Variants in CDH5 observed in about 807,000 individuals in gnomAD.
CDH5 encodes the protein cadherin 5.
Under a neutral mutation model 62.0 loss-of-function variants are expected in CDH5, and 28 were observed. The ratio of observed to expected loss-of-function variants is 0.45; its 90% confidence interval spans 0.33 to 0.62. The LOEUF is 0.62. CDH5 is among the 20% of genes least tolerant of loss of function. The probability of loss-of-function intolerance (pLI) is 0.02; values close to 1 mark genes in which losing one functional copy is unlikely to be tolerated. For synonymous variants in CDH5, 464 were observed against 445.8 expected (o/e 1.04, Z -0.52); for missense variants, 940 against 1,065.1 (o/e 0.88, Z 1.63).
chr16:66,386,920 C>T lies in CDH5; in HGVS notation c.322C>T (p.Leu108=). 2 of 1,614,226 alleles carry T rather than the reference C, an allele frequency of 1.2e-6. No individual in the cohort carries two copies. The highest frequency in any genetic ancestry group is 1.6e-4 in the Middle Eastern group (1 of 6,062). ...ETGDVFAIER[L]DRENISEYHL... is the part of the protein sequence containing the mutation. ...AGGAGACGTGTTCGCCATTGAGAGGCTGGACCGGGAGAATATCTCAGAGTA... is the reference window on the plus strand; with the variant it reads ...AGGAGACGTGTTCGCCATTGAGAGGTTGGACCGGGAGAATATCTCAGAGTA... Residue 108 remains leucine, a synonymous_variant, in exon 3 of 12, where the codon CTG becomes TTG. Transcript: ENST00000341529.
In CDH5 at chr16:66,387,095, T is replaced by C. The variant is rs373794192; in HGVS notation, c.497T>C (p.Val166Ala). 6.2e-7 allele frequency: 1 copy of C among 1,608,514 alleles called. No individual in the cohort carries two copies. The highest frequency in any genetic ancestry group is 8.5e-7 in the Non-Finnish European group (1 of 1,176,208). Residue 166 changes from valine to alanine, a missense_variant and splice_region_variant, in exon 3 of 12, where the codon GTG becomes GCG. Coordinates refer to ENST00000341529, the MANE Select transcript of CDH5 (RefSeq NM_001795.5). ...FNASVPESSA[V>A]GTSVISVTAV... is the part of the protein sequence containing the mutation. ...GCGTCCGTGCCTGAGTCGTCGGCTG[T>C]GGGTACGTTGCATGCCCACTCTGTC... is the stretch of plus-strand genomic sequence containing the variant.
At position 66,398,581 on chromosome 16, in the gene CDH5, G is replaced by C. The variant is rs1961230224; in HGVS notation, c.1591+20G>C. The C allele has an allele frequency of 3.1e-6, 4 of 1,284,408 alleles. No individual in the cohort carries two copies. Among genetic ancestry groups the C allele is most frequent in the African/African-American group, 1.5e-5 (1 of 68,584 alleles). 79.6% of individuals were successfully genotyped at this position (1,284,408 alleles called of 1,614,324 possible). A position where few individuals can be genotyped will look rare whatever the true frequency, so the allele number is the denominator to read the frequency against. On this transcript the variant is annotated intron_variant, in intron 10 of 11. Coordinates refer to ENST00000341529, the MANE Select transcript of CDH5 (RefSeq NM_001795.5). ...ATCACGGTAGGCATCAAAGTAATCA[G>C]TTCAGCTGGGCGTGATGACCCACAC...
intron 1 of CDH5, among the ~76,000 whole-genome samples, chr16:66,369,160 T>C (rs1960639834): frequency 6.6e-6 from 1 of 152,096 alleles, no homozygotes; most frequent in Non-Finnish European, 1.5e-5. Context: ...AACAGTCAGA[T>C]CCTGGCAGGT....
chr16:66,387,404 T>C (rs540707441), intron 3 of CDH5, among the ~76,000 whole-genome samples: 9 of 152,294 alleles, frequency 5.9e-5, no homozygotes, highest in Non-Finnish European at 1.2e-4. Flanking sequence ...ATCCTGATCA[T>C]GGGTTGAACC....
chr16:66,371,796 G>C (rs950673716), intron 1 of CDH5, among the ~76,000 whole-genome samples: 13 of 152,042 alleles, frequency 8.6e-5, no homozygotes, highest in African/African-American at 2.9e-4. Flanking sequence ...CAGCCCAGGG[G>C]CTGAGGGGCT....
At chr16:66,401,198 C>G (rs939035670) in intron 11 of CDH5, among the ~76,000 whole-genome samples, 182 bp downstream of exon 11, 2 of 152,162 alleles carry the variant, frequency 1.3e-5, no homozygotes, top group Non-Finnish European at 2.9e-5. Context: ...CTCCAACCAC[C>G]TGGGTGCTCA....
chr16:66,396,265 G>T (rs2142338547), intron 8 of CDH5, 64 bp downstream of exon 8: 6 of 1,598,778 alleles, frequency 3.8e-6, no homozygotes, highest in Non-Finnish European at 5.1e-6. Flanking sequence ...TTCCAAAACT[G>T]GCATAATCAA....
chr16:66,404,766 A>C lies in CDH5; in HGVS notation c.*1597A>C, dbSNP rs889827933. ...TATTTTTTTATACCTAAATAAAGAA[A>C]AATCTTTAGCCTGGGCAACATAGGG... is the stretch of plus-strand genomic sequence containing the variant. On this transcript the variant is annotated 3_prime_UTR_variant, in exon 12 of 12. Transcript: ENST00000341529. 1 of 152,528 alleles carries C rather than the reference A, an allele frequency of 6.6e-6. No homozygotes were observed. Among genetic ancestry groups the C allele is most frequent in the African/African-American group, 2.4e-5 (1 of 41,420 alleles). The allele number at this position is 152,528 out of a possible 1,614,324, so 9.4% of individuals were successfully genotyped here.
At chr16:66,402,057 T>C (rs1961292386) in intron 11 of CDH5, among the ~76,000 whole-genome samples, 1 of 152,172 alleles carries the variant, frequency 6.6e-6, no homozygotes, top group South Asian at 2.1e-4. Context: ...ACAAATAGAA[T>C]TGCATTTGAC....
chr16:66,368,126 G>A (rs1441011051), intron 1 of CDH5, among the ~76,000 whole-genome samples: 1 of 152,186 alleles, frequency 6.6e-6, no homozygotes, highest in Non-Finnish European at 1.5e-5. Flanking sequence ...ATGTGTGATG[G>A]GCAGATAGGA....
chr16:66,373,598 G>C (rs1960732373), intron 1 of CDH5, among the ~76,000 whole-genome samples: 1 of 151,894 alleles, frequency 6.6e-6, no homozygotes. Flanking sequence ...GTATTTTTTA[G>C]TAGAGACAGG....
intron 2 of CDH5, among the ~76,000 whole-genome samples, chr16:66,384,829 G>A (rs546201003): frequency 2.0e-5 from 3 of 152,142 alleles, no homozygotes; most frequent in South Asian, 4.2e-4. Flanking sequence ...AGCCAGGCAC[G>A]GTGGCACATG....
At chr16:66,368,740 A>G (rs1389391079) in intron 1 of CDH5, among the ~76,000 whole-genome samples, 1 of 152,158 alleles carries the variant, frequency 6.6e-6, no homozygotes, top group East Asian at 1.9e-4. Flanking sequence ...AACCAACACA[A>G]GGTAGAAGCA....
intron 7 of CDH5, among the ~76,000 whole-genome samples, chr16:66,393,580 T>C (rs1166619969): frequency 6.6e-6 from 1 of 152,194 alleles, no homozygotes; most frequent in African/African-American, 2.4e-5. Context: ...CTCTGTCCCA[T>C]GGTCTATCCA....
chr16:66,373,359 C>T (rs538005363), intron 1 of CDH5, among the ~76,000 whole-genome samples: 1 of 151,962 alleles, frequency 6.6e-6, no homozygotes, highest in South Asian at 2.1e-4. Context: ...TGGGAAGGAA[C>T]ATCTGTCCAA....
At chr16:66,374,248 G>A (rs528856291) in intron 1 of CDH5, among the ~76,000 whole-genome samples, 12 of 152,310 alleles carry the variant, frequency 7.9e-5, no homozygotes, top group East Asian at 1.9e-4. Context: ...GAGCTGTCTC[G>A]GGAGGGTGCT....
At chr16:66,372,236 C>G (rs143591138) in intron 1 of CDH5, among the ~76,000 whole-genome samples, 2 of 152,344 alleles carry the variant, frequency 1.3e-5, no homozygotes, top group African/African-American at 4.8e-5. Context: ...CACCACATGA[C>G]CGGCATCCCT....
intron 1 of CDH5, among the ~76,000 whole-genome samples, chr16:66,375,249 T>G (rs527545127): frequency 6.6e-6 from 1 of 152,054 alleles, no homozygotes; most frequent in Non-Finnish European, 1.5e-5. Flanking sequence ...AAAATTCCCA[T>G]GTAAAAGATA....
rs747350126 is a variant in CDH5, at chr16:66,396,067, T to C, written c.1226T>C (p.Ile409Thr). Residue 409 changes from isoleucine (I) to threonine (T), a missense_variant, in exon 8 of 12, where the codon ATC becomes ACC. Physicochemically the swap from Ile to Thr is moderately conservative, Grantham distance 89. Coordinates refer to ENST00000341529, the MANE Select transcript of CDH5 (RefSeq NM_001795.5). ...CTCTCTCCCCTGGGCAGATACTCCA[T>C]CCGCAGGACCAGTGACAAGGGCCAG... ...DAARHSIGYS[I>T]RRTSDKGQFF... 6.2e-7 allele frequency: 1 copy of C among 1,613,634 alleles called. No individual in the cohort carries two copies. The highest frequency in any genetic ancestry group is 1.1e-5 in the South Asian group (1 of 91,044).
Sources: allele counts gnomAD v4.1 joint callset (sites outside exome capture counted in the v4.1 genomes callset), GRCh38; gene constraint gnomAD v4.1.1; transcripts MANE v1.5; gene names NCBI Gene and HGNC (gene_info 2026-07-23, HGNC 2026-07-21).